Variants in SAMD9 observed in about 807,000 individuals in gnomAD.
SAMD9 encodes sterile alpha motif domain-containing protein 9.
In SAMD9, 3 loss-of-function variants were observed where a neutral mutation model predicts 1.5. The observed-to-expected ratio is 2.05, with a 90% CI of 0.93 to 5.29. The LOEUF (loss-of-function observed/expected upper bound fraction) is 5.29, where lower values mean the gene tolerates loss of function less well. Among genes scored for constraint, SAMD9 ranks in the 30% most tolerant of loss-of-function variants. The pLI is 0.02. For synonymous variants in SAMD9, 635 were observed against 631.9 expected, an observed-to-expected ratio of 1.00 and a Z score of -0.07; for missense variants, 1,597 against 1,820.8, an observed-to-expected ratio of 0.88 and a Z score of 2.24.
rs779115874 is a variant in SAMD9 at position 93,104,405 on chromosome 7, G to A, written c.1693C>T (p.Gln565Ter). The change falls in exon 3 of 3, where the codon CAG (glutamine) becomes TAG (stop). Residue 565 changes from glutamine (Q) to a stop codon, truncating the protein, a stop_gained. Transcript: ENST00000379958. LOFTEE classifies it low-confidence loss of function (END_TRUNC). ...PLIETFCAFY[Q>*]DLKGMENILC... ...ATATTTTCCATTCCTTTGAGATCCTGGTAGAAAGCACAGAAAGTCTCAATG... is the reference window on the plus strand; with the variant it reads ...ATATTTTCCATTCCTTTGAGATCCTAGTAGAAAGCACAGAAAGTCTCAATG... 9.3e-6 allele frequency: 15 copies of A among 1,613,748 alleles called. No homozygotes were observed. The Admixed American group carries it at 1.7e-4, about 18-fold the overall frequency.
intron 1 of SAMD9, among the ~76,000 whole-genome samples, chr7:93,116,561 A>G (rs1791835994): frequency 1.3e-5 from 2 of 152,332 alleles, no homozygotes; most frequent in Non-Finnish European, 1.5e-5. Flanking sequence ...GAGAAAATAT[A>G]TGCCAGCATT....
intron 2 of SAMD9, among the ~76,000 whole-genome samples, chr7:93,112,769 G>A (rs1253673661): frequency 1.3e-5 from 2 of 152,096 alleles, no homozygotes; most frequent in Non-Finnish European, 2.9e-5. Context: ...CCTCTTCAAG[G>A]AGAACTACAA....
At chr7:93,112,155 A>G (rs888470380) in intron 2 of SAMD9, among the ~76,000 whole-genome samples, 26 of 152,178 alleles carry the variant, frequency 1.7e-4, no homozygotes, top group Non-Finnish European at 2.9e-4. Flanking sequence ...TTCAACATAC[A>G]CAAATCAATA....
chr7:93,102,601 G>C lies in SAMD9; in HGVS notation c.3497C>G (p.Ser1166Cys), dbSNP rs778482425. 6.2e-7 allele frequency: 1 copy of C among 1,613,754 alleles called. No individual in the cohort carries two copies. Among genetic ancestry groups the C allele is most frequent in the South Asian group, 1.1e-5 (1 of 91,074 alleles). ...AEHASSAFKESQQQSEDREYE... is the reference protein window; with the variant it reads ...AEHASSAFKECQQQSEDREYE... ...CTCTCTATCTTCACTTTGCTGTTGA[G>C]ATTCTTTGAATGCACTTGAGGCATG... The change falls in exon 3 of 3, where the codon TCT (serine) becomes TGT (cysteine). Residue 1166 changes from serine to cysteine, a missense_variant. Ser to Cys is a moderately radical substitution (Grantham distance 112). Around this residue, in one of 6 missense-constraint regions of SAMD9, gnomAD observed 682 missense variants for 810.0 expected, o/e 0.84. Transcript: ENST00000379958.
At position 93,105,605 on chromosome 7, in the gene SAMD9, G is replaced by T. The variant is rs772878640; in HGVS notation, c.493C>A (p.Pro165Thr). The change falls in exon 3 of 3, where the codon CCA (proline) becomes ACA (threonine). Residue 165 changes from proline to threonine, a missense_variant. By Grantham distance (38) the Pro-to-Thr change is conservative (BLOSUM62 -1). Transcript: ENST00000379958. ...PSIDLTCVSY[P>T]FDEFSNPYRY... ...TATGGATTACTGAATTCATCAAATGGATATGATACACATGTCAGGTCTATG... is the reference window on the plus strand; with the variant it reads ...TATGGATTACTGAATTCATCAAATGTATATGATACACATGTCAGGTCTATG... 9 of 1,613,922 alleles carry T rather than the reference G, an allele frequency of 5.6e-6. No homozygotes were observed. Among genetic ancestry groups the T allele is most frequent in the Middle Eastern group, 1.6e-4 (1 of 6,084 alleles).
rs931694379 is a variant in SAMD9, at chr7:93,099,560, G to A, written c.*1768C>T. The A allele has an allele frequency of 2.0e-5, 3 of 152,168 alleles. No individual in the cohort carries two copies. Among genetic ancestry groups the A allele is most frequent in the Admixed American group, 1.3e-4 (2 of 15,284 alleles). The allele number at this position is 152,168 out of a possible 1,614,324, so 9.4% of individuals were successfully genotyped here. ...TTGTCAATTAGAAAGTAACAATAAAGAGTGAGCTTATAAGTTATGGAGTTA... is the reference window on the plus strand; with the variant it reads ...TTGTCAATTAGAAAGTAACAATAAAAAGTGAGCTTATAAGTTATGGAGTTA... On this transcript the variant is annotated 3_prime_UTR_variant, in exon 3 of 3. Transcript: ENST00000379958.
chr7:93,104,984 A>T lies in SAMD9; in HGVS notation c.1114T>A (p.Ser372Thr). The T allele has an allele frequency of 6.2e-7, 1 of 1,612,310 alleles. No homozygotes were observed. The highest frequency in any genetic ancestry group is 8.5e-7 in the Non-Finnish European group (1 of 1,179,648). ...AATTTTTCTTCTGCTGCTTTTCTGG[A>T]CTCTGCCAGTGTTTTAAAATCTGCT... The part of the protein sequence containing the change: ...FKADFKTLAE[S>T]RKAAEEKFRA... The change falls in exon 3 of 3, where the codon TCC becomes ACC. Residue 372 changes from serine (S) to threonine (T), a missense_variant. By Grantham distance (58) the Ser-to-Thr change is moderately conservative. Around this residue, in one of 6 missense-constraint regions of SAMD9, gnomAD observed 498 missense variants for 457.4 expected, o/e 1.09. Transcript: ENST00000379958.
At chr7:93,107,187 T>C (rs544467888) in intron 2 of SAMD9, among the ~76,000 whole-genome samples, 4 of 152,160 alleles carry the variant, frequency 2.6e-5, no homozygotes, top group African/African-American at 9.6e-5. Context: ...ATTACAGGCG[T>C]GAGTCACCAT....
rs138940242 is a variant in SAMD9 at position 93,102,489 on chromosome 7, A to G, written c.3609T>C (p.Val1203=). ...GGAGAATTTGGATTGTGTAAAGCCC[A>G]ACTTCTATCTCTCCTTGATAACCAG... is the stretch of plus-strand genomic sequence containing the variant. The part of the protein sequence containing the change: ...NIAGYQGEIE[V]GLYTIQILQL... The change falls in exon 3 of 3, where the codon GTT becomes GTC. Residue 1203 remains valine (V), a synonymous_variant. Coordinates refer to ENST00000379958, the MANE Select transcript of SAMD9 (RefSeq NM_017654.4). The G allele has an allele frequency of 5.8e-5, 93 of 1,613,676 alleles. No homozygotes were observed. The highest frequency in any genetic ancestry group is 7.4e-5 in the Non-Finnish European group (87 of 1,179,744).
rs1213460857 is a variant in SAMD9, at chr7:93,105,567, C to A, written c.531G>T (p.Leu177Phe). Residue 177 changes from leucine to phenylalanine, a missense_variant, in exon 3 of 3, where the codon TTG becomes TTT. Physicochemically the swap from Leu to Phe is conservative, Grantham distance 22. This residue lies in a region of SAMD9 where 498 missense variants were observed against 457.4 expected (regional missense o/e 1.09). Coordinates refer to ENST00000379958, the MANE Select transcript of SAMD9 (RefSeq NM_017654.4). ...DEFSNPYRYK[L>F]DFSLQPETGP... ...CTGTTTCAGGCTGTAGACTAAAATC[C>A]AACTTGTAACGATATGGATTACTGA... The A allele has an allele frequency of 6.2e-7, 1 of 1,614,040 alleles. No homozygotes were observed. Among genetic ancestry groups the A allele is most frequent in the East Asian group, 2.2e-5 (1 of 44,860 alleles).
Position 93,101,209 on chromosome 7 carries a change from A to G in SAMD9, c.*119T>C. 1.3e-6 allele frequency: 1 copy of G among 785,436 alleles called. No individual in the cohort carries two copies. The highest frequency in any genetic ancestry group is 2.2e-6 in the Non-Finnish European group (1 of 446,314). The allele number at this position is 785,436 out of a possible 1,614,324, so 48.7% of individuals were successfully genotyped here. ...TAAGAGGAAATTAAATACTGCATGT[A>G]CAGATCTGAAGAGCTAGAGGCTGTA... On this transcript the variant is annotated 3_prime_UTR_variant, in exon 3 of 3. Coordinates refer to ENST00000379958, the MANE Select transcript of SAMD9 (RefSeq NM_017654.4).
At chr7:93,111,085 A>C (rs1791734850) in intron 2 of SAMD9, among the ~76,000 whole-genome samples, 1 of 152,196 alleles carries the variant, frequency 6.6e-6, no homozygotes, top group Non-Finnish European at 1.5e-5. Context: ...ATGTAAAAGA[A>C]CAGAAATTAT....
Position 93,103,761 on chromosome 7 carries a change from A to T in SAMD9, c.2337T>A (p.Ser779Arg), listed in dbSNP as rs777548695. ...DFSEIGEQVT[S>R]LITYGAMNRQ... ...GGTTCATTGCCCCATAGGTGATTAA[A>T]CTGGTTACCTGTTCTCCAATTTCAG... is the stretch of plus-strand genomic sequence containing the variant. The change falls in exon 3 of 3, where the codon AGT (serine) becomes AGA (arginine). Residue 779 changes from serine (S) to arginine (R), a missense_variant. By Grantham distance (110) the Ser-to-Arg change is moderately radical. This residue lies in a region of SAMD9 where 358 missense variants were observed against 460.4 expected (regional missense o/e 0.78). Coordinates refer to ENST00000379958, the MANE Select transcript of SAMD9 (RefSeq NM_017654.4). The T allele has an allele frequency of 7.4e-6, 12 of 1,613,864 alleles. No homozygotes were observed. The Admixed American group carries it at 1.0e-4, about 13-fold the overall frequency.
chr7:93,111,863 A>G (rs540230475), intron 2 of SAMD9, among the ~76,000 whole-genome samples: 7 of 152,262 alleles, frequency 4.6e-5, no homozygotes, highest in East Asian at 1.9e-4. Context: ...ATTCACAGCC[A>G]AATTCTACCA....
At chr7:93,116,169 A>T (rs1791829545) in intron 1 of SAMD9, among the ~76,000 whole-genome samples, 1 of 152,078 alleles carries the variant, frequency 6.6e-6, no homozygotes. Context: ...TCCTTCATCA[A>T]CTTGGACCTT....
At position 93,107,877 on chromosome 7, in the gene SAMD9, T is replaced by C. The variant is rs1347684977; in HGVS notation, c.-8-1772A>G. Among the ~76,000 whole-genome samples the C allele has an allele frequency of 2.0e-5, 3 of 152,218 alleles. No homozygotes were observed. The East Asian group carries it at 5.8e-4, about 29-fold the overall frequency. ...TAGTTGCGATTTTGTACTATAATTTTATAAGATTTTACTATTGGGGAAGCT... is the reference window on the plus strand; with the variant it reads ...TAGTTGCGATTTTGTACTATAATTTCATAAGATTTTACTATTGGGGAAGCT... On this transcript the variant is annotated intron_variant, in intron 2 of 2. Coordinates refer to ENST00000379958, the MANE Select transcript of SAMD9 (RefSeq NM_017654.4).
rs145911444 is a variant in SAMD9 at position 93,105,039 on chromosome 7, C to T, written c.1059G>A (p.Thr353=). ...ATGCTCTGAAATCAACTTTATTTTT[C>T]GTAATGTCCTTAGAGCTGGTCCCAT... The part of the protein sequence containing the change: ...VRDGTSSKDI[T]KNKVDFRAFK... The change falls in exon 3 of 3, where the codon ACG becomes ACA. Residue 353 remains threonine, a synonymous_variant. Coordinates refer to ENST00000379958, the MANE Select transcript of SAMD9 (RefSeq NM_017654.4). 166 of 1,613,812 alleles carry T rather than the reference C, an allele frequency of 1.0e-4. No homozygotes were observed. In the Middle Eastern group the frequency reaches 1.2e-3, roughly 11 times the overall value.
In SAMD9 at chr7:93,103,092, C is replaced by T. The variant is rs2116416117; in HGVS notation, c.3006G>A (p.Leu1002=). 1 of 1,613,782 alleles carries T rather than the reference C, an allele frequency of 6.2e-7. No individual in the cohort carries two copies. The change falls in exon 3 of 3, where the codon CTG becomes CTA. Residue 1002 remains leucine, a synonymous_variant. Transcript: ENST00000379958. ...SLEELKKSYH[L]NKSQIMLDML... is the part of the protein sequence containing the mutation. ...TATCCAACATAATTTGACTTTTATT[C>T]AGGTGATAGCTTTTCTTCAATTCTT...
rs146999704 is a variant in SAMD9, at chr7:93,108,953, G to A, written c.-8-2848C>T. ...GTCTGACAGCTTTGAAAGGAGCAGT[G>A]GTTCTCCCAGCATGGAGTTTGAGAT... On this transcript the variant is annotated intron_variant, in intron 2 of 2. Coordinates refer to ENST00000379958, the MANE Select transcript of SAMD9 (RefSeq NM_017654.4). Among the ~76,000 whole-genome samples the A allele has an allele frequency of 2.5e-3, 382 of 152,256 alleles. 3 individuals carry two copies. Among genetic ancestry groups the A allele is most frequent in the African/African-American group, 8.5e-3 (354 of 41,518 alleles).
Sources: gnomAD v4.1 joint callset for allele counts (sites outside exome capture counted in the v4.1 genomes callset) on GRCh38, gnomAD v4.1.1 for gene constraint, gnomAD v4.1.1 regional missense constraint, MANE v1.5 for transcripts, NCBI Gene and HGNC (gene_info 2026-07-23, HGNC 2026-07-21) for gene names.